The following WNT8B variants were observed in gnomAD, a reference collection of about 807,000 sequenced individuals.
WNT8B encodes Wnt family member 8B.
A neutral mutation model predicts 36.6 loss-of-function variants in WNT8B; 24 were observed. The ratio of observed to expected loss-of-function variants is 0.66; its 90% CI spans 0.48 to 0.92. The LOEUF is 0.92. Among genes scored for constraint, WNT8B ranks in the 40% least tolerant of loss-of-function variants. WNT8B has a pLI of 0.00. For missense variants in WNT8B, 402 were observed against 470.8 expected, an observed-to-expected ratio of 0.85 and a Z score of 1.35; for synonymous variants, 199 against 189.8, an observed-to-expected ratio of 1.05 and a Z score of -0.40.
In WNT8B at chr10:100,482,440, G is replaced by T; in HGVS notation, c.680G>T (p.Ser227Ile). 1 of 1,605,862 alleles carries T rather than the reference G, an allele frequency of 6.2e-7. No homozygotes were observed. ...KVDLLQGAGN[S>I]AAGRGAIADT... ...GACCTGCTGCAGGGTGCTGGCAACA[G>T]CGCGGCCGGCCGCGGCGCCATCGCC... The change falls in exon 6 of 6, where the codon AGC becomes ATC. Residue 227 changes from serine to isoleucine, a missense_variant. Physicochemically the swap from Ser to Ile is moderately radical, Grantham distance 142. Around this residue, in one of 3 missense-constraint regions of WNT8B, gnomAD observed 256 missense variants for 278.6 expected, o/e 0.92. Coordinates refer to ENST00000343737, the MANE Select transcript of WNT8B (RefSeq NM_003393.4). The surrounding 1 kb of genome is among the most constrained non-coding windows in gnomAD (Gnocchi z 6.6).
intron 1 of WNT8B, among the ~76,000 whole-genome samples, chr10:100,476,017 C>T (rs1277020217): frequency 1.3e-5 from 2 of 151,890 alleles, no homozygotes; most frequent in African/African-American, 4.8e-5. Context: ...GGTGGCTGGG[C>T]GCGGTGGCTC....
intron 4 of WNT8B, 85 bp from the exon 5 acceptor site, chr10:100,481,827 C>T (rs1467357833): frequency 1.3e-6 from 2 of 1,553,998 alleles, no homozygotes; most frequent in Admixed American, 1.9e-5. Context: ...TGGACCCCCC[C>T]ACCCCCAACC....
intron 2 of WNT8B, among the ~76,000 whole-genome samples, chr10:100,479,426 G>A (rs934948104): frequency 6.6e-6 from 1 of 152,170 alleles, no homozygotes; most frequent in African/African-American, 2.4e-5. Context: ...TGCTGGAATT[G>A]TACTACATGA....
At chr10:100,474,988 C>G (rs1851021375) in intron 1 of WNT8B, among the ~76,000 whole-genome samples, 1 of 152,082 alleles carries the variant, frequency 6.6e-6, no homozygotes, top group South Asian at 2.1e-4. Context: ...CGCCTGTAAT[C>G]CCAGCACTTT....
At chr10:100,474,299 T>C (rs1298667142) in intron 1 of WNT8B, among the ~76,000 whole-genome samples, 4 of 152,034 alleles carry the variant, frequency 2.6e-5, no homozygotes, top group African/African-American at 4.8e-5. Flanking sequence ...GTTCTGTCTA[T>C]ATAGCAGCCT....
chr10:100,476,618 C>T (rs964361356), intron 1 of WNT8B, among the ~76,000 whole-genome samples: 5 of 151,944 alleles, frequency 3.3e-5, no homozygotes, highest in Non-Finnish European at 4.4e-5. Context: ...TAATGATTCC[C>T]GTATTACTTT....
At position 100,479,963 on chromosome 10, in the gene WNT8B, C is replaced by T; in HGVS notation, c.192C>T (p.Asn64=). Residue 64 remains asparagine, a synonymous_variant, in exon 3 of 6, where the codon AAC becomes AAT. Transcript: ENST00000343737. ...ATCAGTTTGCCTGGGACCGCTGGAACTGCCCTGAGAGAGCCCTGCAGCTGT... is the reference window on the plus strand; with the variant it reads ...ATCAGTTTGCCTGGGACCGCTGGAATTGCCCTGAGAGAGCCCTGCAGCTGT... The part of the protein sequence containing the change: ...CKYQFAWDRW[N]CPERALQLSS... 1 of 1,613,968 alleles carries T rather than the reference C, an allele frequency of 6.2e-7. No individual in the cohort carries two copies. The highest frequency in any genetic ancestry group is 8.5e-7 in the Non-Finnish European group (1 of 1,179,920).
At position 100,482,036 on chromosome 10, in the gene WNT8B, C is replaced by A; in HGVS notation, c.492C>A (p.Asn164Lys). Reference sequence around the variant, plus strand: ...CACGGGCAGCCATGAACCTGCACAACAACGAGGCTGGCCGCAAGGTGAGTC... The same window carrying A: ...CACGGGCAGCCATGAACCTGCACAAAAACGAGGCTGGCCGCAAGGTGAGTC... The part of the protein sequence containing the change: ...QDARAAMNLH[N>K]NEAGRKAVKG... Residue 164 changes from asparagine (N) to lysine (K), a missense_variant, in exon 5 of 6, where the codon AAC becomes AAA. This residue lies in a region of WNT8B where 256 missense variants were observed against 278.6 expected (regional missense o/e 0.92). Transcript: ENST00000343737. This position sits in a 1 kb window ranked among gnomAD's most constrained non-coding sequence, Gnocchi z 6.6. The A allele has an allele frequency of 6.2e-7, 1 of 1,614,202 alleles. No homozygotes were observed. The highest frequency in any genetic ancestry group is 8.5e-7 in the Non-Finnish European group (1 of 1,180,020).
chr10:100,466,716 G>A (rs1367354308), intron 1 of WNT8B, among the ~76,000 whole-genome samples: 2 of 151,792 alleles, frequency 1.3e-5, no homozygotes, highest in Non-Finnish European at 2.9e-5. Flanking sequence ...AGAAGAAAAG[G>A]AGTTTTAATC....
Position 100,469,807 on chromosome 10 carries a change from T to C in WNT8B, c.68+6571T>C, listed in dbSNP as rs77437100. Among the ~76,000 whole-genome samples the C allele has an allele frequency of 5.7e-3, 865 of 152,308 alleles. 9 individuals are homozygous for C. The highest frequency in any genetic ancestry group is 0.02 in the African/African-American group (843 of 41,560). ...GGAACAGAGACAGTCACAAGGAAAC[T>C]CACTCAGAAGAGCTATCTTTGGGCT... On this transcript the variant is annotated intron_variant, in intron 1 of 5. Transcript: ENST00000343737.
intron 1 of WNT8B, among the ~76,000 whole-genome samples, chr10:100,476,135 CA>C (rs1255470091): frequency 0.01 from 1,290 of 126,366 alleles, 9 homozygotes; most frequent in African/African-American, 0.028. Flanking sequence ...ACTAAAAATA[CA>C]AAAAAAAAAA....
chr10:100,467,938 GGAA>G (rs1301985621), intron 1 of WNT8B, among the ~76,000 whole-genome samples: 1 of 152,168 alleles, frequency 6.6e-6, no homozygotes, highest in Non-Finnish European at 1.5e-5. Flanking sequence ...GTTCAAAACA[GGAA>G]GAAGAGGGAT....
At chr10:100,474,199 C>T (rs1851008657) in intron 1 of WNT8B, among the ~76,000 whole-genome samples, 1 of 152,098 alleles carries the variant, frequency 6.6e-6, no homozygotes, top group Non-Finnish European at 1.5e-5. Context: ...TTTGAATGGT[C>T]CTGAATCTGG....
chr10:100,465,546 C>G (rs1470164505), intron 1 of WNT8B, among the ~76,000 whole-genome samples: 1 of 152,164 alleles, frequency 6.6e-6, no homozygotes, highest in East Asian at 1.9e-4. Context: ...TTACCCAGTT[C>G]TGTTCATTTC....
At chr10:100,465,487 T>C (rs1850899060) in intron 1 of WNT8B, among the ~76,000 whole-genome samples, 1 of 152,174 alleles carries the variant, frequency 6.6e-6, no homozygotes, top group African/African-American at 2.4e-5. Flanking sequence ...TTACCTTAAC[T>C]GGTTGGCCCC....
intron 1 of WNT8B, among the ~76,000 whole-genome samples, chr10:100,464,444 G>A (rs1308264054): frequency 6.6e-6 from 1 of 152,190 alleles, no homozygotes; most frequent in African/African-American, 2.4e-5. Flanking sequence ...CATTTCTACT[G>A]ATGTTCATGG....
At chr10:100,478,911 C>T in intron 1 of WNT8B, 141 bp from the exon 2 acceptor site, 1 of 708,760 alleles carries the variant, frequency 1.4e-6, no homozygotes, top group Non-Finnish European at 2.2e-6. Flanking sequence ...GTTTGTTATG[C>T]ACAGTGTTTC....
At chr10:100,472,363 G>A in intron 1 of WNT8B, among the ~76,000 whole-genome samples, 1 of 151,966 alleles carries the variant, frequency 6.6e-6, no homozygotes, top group South Asian at 2.1e-4. Context: ...CTCCCAAAGT[G>A]CTGGGATTAC....
rs1331300905 is a variant in WNT8B, at chr10:100,483,330, T to C, written c.*514T>C. ...AATGCTTTCTCTCCTCTTCTCCCTT[T>C]CCTTTCCCAGAAAAACTGAGGAAAC... On this transcript the variant is annotated 3_prime_UTR_variant, in exon 6 of 6. Coordinates refer to ENST00000343737, the MANE Select transcript of WNT8B (RefSeq NM_003393.4). 1.3e-5 allele frequency: 2 copies of C among 152,784 alleles called. No homozygotes were observed. Among genetic ancestry groups the C allele is most frequent in the Admixed American group, 1.3e-4 (2 of 15,294 alleles). The allele number at this position is 152,784 out of a possible 1,614,324, so 9.5% of individuals were successfully genotyped here.
Sources: gnomAD v4.1 joint callset for allele counts (sites outside exome capture counted in the v4.1 genomes callset) on GRCh38, gnomAD v4.1.1 for gene constraint, gnomAD v4.1.1 regional missense constraint, Gnocchi (gnomAD v3.1) non-coding constraint, MANE v1.5 for transcripts, NCBI Gene and HGNC (gene_info 2026-07-23, HGNC 2026-07-21) for gene names.